RNF180: variants seen among roughly 807,000 people sequenced by gnomAD.
The protein encoded by RNF180 is E3 ubiquitin-protein ligase RNF180.
In RNF180, 38 loss-of-function variants were observed where a neutral mutation model predicts 59.2. The observed-to-expected ratio is 0.64, with a 90% CI of 0.50 to 0.84. The LOEUF is 0.84. Among genes scored for constraint, RNF180 ranks in the 40% least tolerant of loss-of-function variants. The pLI, the probability that RNF180 is intolerant of heterozygous loss-of-function variation, is 0.00. For synonymous variants in RNF180, 262 were observed against 240.3 expected (o/e 1.09, Z -0.84); for missense variants, 705 against 700.9 (o/e 1.01, Z -0.07).
chr5:64,306,828 G>T (rs563253892), intron 5 of RNF180, among the ~76,000 whole-genome samples: 2 of 151,002 alleles, frequency 1.3e-5, no homozygotes, highest in Non-Finnish European at 3.0e-5. Flanking sequence ...CTGTTGTGGG[G>T]TGGGGGGAGG....
chr5:64,191,971 G>A (rs1451543539), intron 1 of RNF180, among the ~76,000 whole-genome samples: 1 of 152,068 alleles, frequency 6.6e-6, no homozygotes, highest in African/African-American at 2.4e-5. Context: ...TTTTGCATAT[G>A]GTGTAAGATA....
chr5:64,252,267 A>G lies in RNF180; in HGVS notation c.1227+34871A>G, dbSNP rs982058279. On this transcript the variant is annotated intron_variant, in intron 5 of 7. Transcript: ENST00000389100. Reference sequence around the variant, plus strand: ...GATTTTCAACAAAGGTGCCAAGAACACACAACAGGGAAAGGCCAGTTAGGG... The same window carrying G: ...GATTTTCAACAAAGGTGCCAAGAACGCACAACAGGGAAAGGCCAGTTAGGG... 6.6e-5 allele frequency among the ~76,000 whole-genome samples: 10 copies of G among 152,316 alleles called. No homozygotes were observed. In the East Asian group the frequency reaches 1.3e-3, roughly 21 times the overall value.
At chr5:64,201,112 A>G (rs1366782858) in intron 2 of RNF180, among the ~76,000 whole-genome samples, 170 bp downstream of exon 2, 1 of 152,234 alleles carries the variant, frequency 6.6e-6, no homozygotes, top group East Asian at 1.9e-4. Context: ...ACATTCTAAA[A>G]TGGTATTCAA....
chr5:64,170,907 C>T (rs765110250), intron 1 of RNF180, among the ~76,000 whole-genome samples: 3 of 152,176 alleles, frequency 2.0e-5, no homozygotes, highest in African/African-American at 4.8e-5. Flanking sequence ...CACCAGGTTC[C>T]AACAAGCCTT....
chr5:64,203,086 A>C (rs529632420), intron 2 of RNF180, among the ~76,000 whole-genome samples: 1 of 152,318 alleles, frequency 6.6e-6, no homozygotes, highest in Non-Finnish European at 1.5e-5. Flanking sequence ...AACATATTTA[A>C]TGACCTAGAA....
rs186228753 is a variant in RNF180, at chr5:64,191,593, A to G, written c.1-9215A>G. On this transcript the variant is annotated intron_variant, in intron 1 of 7. Transcript: ENST00000389100. ...AAAGGTCAATGCATGAAATACAAAC[A>G]TATTTTTTCTGTTGTCTAATGACTT... Among the ~76,000 whole-genome samples the G allele has an allele frequency of 9.3e-4, 141 of 152,304 alleles. 1 individual carries two copies. The highest frequency in any genetic ancestry group is 3.2e-4 in the Non-Finnish European group (22 of 68,026).
At chr5:64,351,843 A>G (rs1187691513) in intron 7 of RNF180, among the ~76,000 whole-genome samples, 3 of 152,146 alleles carry the variant, frequency 2.0e-5, no homozygotes, top group Non-Finnish European at 4.4e-5. Context: ...AATGTTCATC[A>G]GGGATATTGG....
chr5:64,280,622 G>T (rs183069207), intron 5 of RNF180, among the ~76,000 whole-genome samples: 1 of 151,706 alleles, frequency 6.6e-6, no homozygotes, highest in South Asian at 2.1e-4. Flanking sequence ...TTTTAGGTGT[G>T]CAGCTTTTTT....
intron 5 of RNF180, among the ~76,000 whole-genome samples, chr5:64,292,026 C>G (rs1189664285): frequency 6.6e-6 from 1 of 152,038 alleles, no homozygotes; most frequent in Non-Finnish European, 1.5e-5. Context: ...GTTATCAACT[C>G]CTGTATTATT....
At chr5:64,296,508 C>A (rs1195144613) in intron 5 of RNF180, among the ~76,000 whole-genome samples, 6 of 152,098 alleles carry the variant, frequency 3.9e-5, no homozygotes, top group Admixed American at 2.0e-4. Context: ...CATGTGGACT[C>A]TCTGAAGTTT....
intron 7 of RNF180, among the ~76,000 whole-genome samples, chr5:64,356,516 T>C (rs1278678894): frequency 6.6e-6 from 1 of 151,820 alleles, no homozygotes; most frequent in African/African-American, 2.4e-5. Context: ...CCCAAAAGAA[T>C]TGAAAACAGG....
chr5:64,343,548 C>T (rs1373514485), intron 7 of RNF180, among the ~76,000 whole-genome samples: 2 of 151,754 alleles, frequency 1.3e-5, no homozygotes, highest in Non-Finnish European at 2.9e-5. Flanking sequence ...AAAACCATAT[C>T]TAGAGACATC....
At chr5:64,189,606 G>C (rs549651736) in intron 1 of RNF180, among the ~76,000 whole-genome samples, 2 of 152,106 alleles carry the variant, frequency 1.3e-5, no homozygotes, top group Non-Finnish European at 2.9e-5. Context: ...GATGTGGCCC[G>C]GTTTCTCCTT....
chr5:64,243,251 C>T lies in RNF180; in HGVS notation c.1227+25855C>T, dbSNP rs182273056. The stretch of plus-strand genomic sequence containing the variant: ...GCCAGTGAGACAGAACCGTTCACTC[C>T]CCTGGAAAGGGGGCTGAAGTCAGGG... On this transcript the variant is annotated intron_variant, in intron 5 of 7. Transcript: ENST00000389100. Among the ~76,000 whole-genome samples, 357 of 152,280 alleles carry T rather than the reference C, an allele frequency of 2.3e-3. 1 individual carries two copies. The highest frequency in any genetic ancestry group is 8.4e-3 in the African/African-American group (350 of 41,556).
At chr5:64,314,733 T>C (rs1368001015) in intron 5 of RNF180, among the ~76,000 whole-genome samples, 3 of 152,226 alleles carry the variant, frequency 2.0e-5, no homozygotes, top group Non-Finnish European at 4.4e-5. Context: ...TACAAATCTC[T>C]TTAGAATTTG....
At chr5:64,210,806 T>C (rs947956557) in intron 2 of RNF180, among the ~76,000 whole-genome samples, 2 of 152,148 alleles carry the variant, frequency 1.3e-5, no homozygotes, top group African/African-American at 2.4e-5. Flanking sequence ...GTTATAGGAC[T>C]AACAGTTTCA....
chr5:64,231,983 T>TA (rs1742128066), intron 5 of RNF180, among the ~76,000 whole-genome samples: 1 of 152,108 alleles, frequency 6.6e-6, no homozygotes, highest in Non-Finnish European at 1.5e-5. Context: ...TAGTAACACT[T>TA]AGATTTTATT....
At position 64,213,662 on chromosome 5, in the gene RNF180, T is replaced by C. The variant is rs1376331102; in HGVS notation, c.336T>C (p.Ala112=). 6.2e-7 allele frequency: 1 copy of C among 1,614,178 alleles called. No homozygotes were observed. Among genetic ancestry groups the C allele is most frequent in the Admixed American group, 1.7e-5 (1 of 60,026 alleles). Residue 112 remains alanine (A), a synonymous_variant, in exon 4 of 8, where the codon GCT becomes GCC. Transcript: ENST00000389100. ...TPKCSCGQLA[A]VHLSKSRTDY... ...AATGTTCCTGTGGCCAGCTTGCAGCTGTACATCTCTCCAAGAGCCGGACTG... is the reference window on the plus strand; with the variant it reads ...AATGTTCCTGTGGCCAGCTTGCAGCCGTACATCTCTCCAAGAGCCGGACTG...
intron 5 of RNF180, among the ~76,000 whole-genome samples, chr5:64,289,100 AG>A (rs1295789053): frequency 6.6e-6 from 1 of 152,204 alleles, no homozygotes; most frequent in East Asian, 1.9e-4. Flanking sequence ...TTTAACATAA[AG>A]GGATGTTGAA....
Sources: allele counts gnomAD v4.1 joint callset (sites outside exome capture counted in the v4.1 genomes callset), GRCh38; gene constraint gnomAD v4.1.1; transcripts MANE v1.5; gene names NCBI Gene and HGNC (gene_info 2026-07-23, HGNC 2026-07-21).